EPB41L4B: variants seen among roughly 807,000 people sequenced by gnomAD.
EPB41L4B encodes band 4.1-like protein 4B.
A neutral mutation model predicts 112.5 loss-of-function variants in EPB41L4B; 30 were observed. The ratio of observed to expected loss-of-function variants is 0.27; its 90% CI spans 0.20 to 0.36. EPB41L4B has a LOEUF of 0.36. EPB41L4B is among the 10% of genes least tolerant of loss of function. The pLI is 1.00. For synonymous variants in EPB41L4B, 408 were observed against 439.7 expected, an observed-to-expected ratio of 0.93 and a Z score of 0.90; for missense variants, 1,024 against 1,133.3, an observed-to-expected ratio of 0.90 and a Z score of 1.38.
At chr9:109,199,094 C>T (rs1445859641) in intron 20 of EPB41L4B, among the ~76,000 whole-genome samples, 1 of 152,154 alleles carries the variant, frequency 6.6e-6, no homozygotes, top group Non-Finnish European at 1.5e-5. Context: ...TTGTCAAAGT[C>T]ACTTTACTAT....
intron 1 of EPB41L4B, chr9:109,307,243 G>A (rs1464562219): frequency 4.1e-6 from 2 of 493,422 alleles, no homozygotes; most frequent in Admixed American, 2.1e-5. Flanking sequence ...TTTTTTCCAG[G>A]AGCGTCTTTA....
At chr9:109,299,473 C>T (rs575626454) in intron 1 of EPB41L4B, among the ~76,000 whole-genome samples, 2 of 152,134 alleles carry the variant, frequency 1.3e-5, no homozygotes, top group South Asian at 4.2e-4. Context: ...GATGGTGGGG[C>T]GGGTCTTGCT....
rs765657942 is a variant in EPB41L4B, at chr9:109,176,664, A to G, written c.2520T>C (p.Cys840=). Residue 840 remains cysteine, a synonymous_variant, in exon 25 of 26, where the codon TGT becomes TGC. Transcript: ENST00000374566. The stretch of plus-strand genomic sequence containing the variant: ...GGATCAGCGGGGAAGTCGGGCCAGG[A>G]CAGCACTGTAATTTACTGTCTCTGA... The part of the protein sequence containing the change: ...ADFRDSKLQC[C]PGPTSPLIPA... 1 of 1,613,788 alleles carries G rather than the reference A, an allele frequency of 6.2e-7. No homozygotes were observed. The highest frequency in any genetic ancestry group is 8.5e-7 in the Non-Finnish European group (1 of 1,179,928).
chr9:109,231,421 C>T (rs1833948815), intron 15 of EPB41L4B, among the ~76,000 whole-genome samples: 2 of 152,168 alleles, frequency 1.3e-5, no homozygotes, highest in African/African-American at 4.8e-5. Context: ...CATAGCAGAA[C>T]TTTATTCAAT....
chr9:109,274,021 T>C (rs573738634), intron 2 of EPB41L4B, among the ~76,000 whole-genome samples: 106 of 152,256 alleles, frequency 7.0e-4, no homozygotes, highest in Non-Finnish European at 1.2e-3. Flanking sequence ...TTAGTGGCTA[T>C]TGAACCCTCC....
intron 18 of EPB41L4B, 62 bp downstream of exon 18, chr9:109,207,862 T>G (rs1259945967): frequency 6.2e-7 from 1 of 1,604,132 alleles, no homozygotes; most frequent in Non-Finnish European, 8.5e-7. Context: ...GCCTCTTTCT[T>G]CTCTGTGGCA....
At chr9:109,217,873 TACA>T (rs1259577457) in intron 15 of EPB41L4B, among the ~76,000 whole-genome samples, 3 of 151,806 alleles carry the variant, frequency 2.0e-5, no homozygotes, top group Admixed American at 6.6e-5. Context: ...GTGCCCAGCT[TACA>T]ACATCTTTTA....
chr9:109,183,823 A>G (rs10816779), intron 23 of EPB41L4B, among the ~76,000 whole-genome samples: 17,486 of 152,214 alleles, frequency 0.11, 1,544 homozygotes, highest in African/African-American at 0.24. Context: ...ATAGCTACTC[A>G]ATGCTCTTCA....
At position 109,176,671 on chromosome 9, in the gene EPB41L4B, T is replaced by A; in HGVS notation, c.2513A>T (p.Gln838Leu). ...CGGGGAAGTCGGGCCAGGACAGCACTGTAATTTACTGTCTCTGAAGTCTGC... is the reference window on the plus strand; with the variant it reads ...CGGGGAAGTCGGGCCAGGACAGCACAGTAATTTACTGTCTCTGAAGTCTGC... ...FTADFRDSKL[Q>L]CCPGPTSPLI... Residue 838 changes from glutamine (Q) to leucine (L), a missense_variant, in exon 25 of 26, where the codon CAG (glutamine) becomes CTG (leucine). Transcript: ENST00000374566. 1 of 1,613,224 alleles carries A rather than the reference T, an allele frequency of 6.2e-7. No individual in the cohort carries two copies. The highest frequency in any genetic ancestry group is 8.5e-7 in the Non-Finnish European group (1 of 1,179,826).
intron 1 of EPB41L4B, among the ~76,000 whole-genome samples, chr9:109,305,555 T>C (rs1464765469): frequency 1.3e-5 from 2 of 151,438 alleles, no homozygotes; most frequent in East Asian, 1.9e-4. Flanking sequence ...GAGGAGGAGG[T>C]TGCAGTAAGT....
chr9:109,185,407 C>A, intron 23 of EPB41L4B, 82 bp downstream of exon 23: 1 of 1,214,704 alleles, frequency 8.2e-7, no homozygotes, highest in Non-Finnish European at 1.2e-6. Flanking sequence ...TCTGCACGCC[C>A]ACCCAGGCTT....
intron 16 of EPB41L4B, among the ~76,000 whole-genome samples, chr9:109,216,531 C>T (rs537298150): frequency 4.0e-5 from 6 of 151,702 alleles, no homozygotes; most frequent in African/African-American, 1.5e-4. Flanking sequence ...ATCTCAGCTA[C>T]TCGGGAGGCT....
chr9:109,213,950 C>T (rs1833275678), intron 16 of EPB41L4B, 132 bp from the exon 17 acceptor site: 1 of 720,118 alleles, frequency 1.4e-6, no homozygotes, highest in South Asian at 1.7e-5. Context: ...AGCTCTCATG[C>T]CTTCAGTATG....
intron 15 of EPB41L4B, chr9:109,240,314 G>A (rs1027507226): frequency 1.0e-6 from 1 of 985,316 alleles, no homozygotes; most frequent in Non-Finnish European, 1.2e-6. Flanking sequence ...ATGCCTTAGG[G>A]AGAGTTTATA....
chr9:109,253,301 C>T (rs1240998041), intron 12 of EPB41L4B, 140 bp downstream of exon 12: 1 of 636,010 alleles, frequency 1.6e-6, no homozygotes, highest in Non-Finnish European at 2.8e-6. Flanking sequence ...TAAAAGAACA[C>T]CACTGGGATT....
intron 23 of EPB41L4B, 32 bp downstream of exon 23, chr9:109,185,457 G>A (rs1832220018): frequency 1.3e-6 from 2 of 1,597,012 alleles, no homozygotes; most frequent in Non-Finnish European, 8.6e-7. Flanking sequence ...CACCTCTCCT[G>A]GCCAGGCCCC....
chr9:109,293,644 A>G (rs1287897146), intron 1 of EPB41L4B, among the ~76,000 whole-genome samples: 1 of 149,290 alleles, frequency 6.7e-6, no homozygotes, highest in African/African-American at 2.5e-5. Flanking sequence ...TTGGCCTCCT[A>G]AAGTGCTGAG....
chr9:109,204,052 C>T (rs542803728), intron 18 of EPB41L4B, among the ~76,000 whole-genome samples: 68 of 152,208 alleles, frequency 4.5e-4, no homozygotes, highest in Non-Finnish European at 7.9e-4. Flanking sequence ...GCAGTTTAAT[C>T]CTTCACCTCA....
intron 19 of EPB41L4B, 75 bp downstream of exon 19, chr9:109,203,588 C>T (rs1368425269): frequency 5.8e-6 from 7 of 1,215,740 alleles, no homozygotes; most frequent in Admixed American, 1.7e-5. Context: ...CTAATGCCCT[C>T]GTGAGCAATG....
Sources: gnomAD v4.1 joint callset for allele counts (sites outside exome capture counted in the v4.1 genomes callset) on GRCh38, gnomAD v4.1.1 for gene constraint, MANE v1.5 for transcripts, NCBI Gene and HGNC (gene_info 2026-07-23, HGNC 2026-07-21) for gene names.